The following OPN3 variants were observed in gnomAD, a reference collection of about 807,000 sequenced individuals.
OPN3 encodes the protein opsin-3.
OPN3 carries 29 observed loss-of-function variants against 33.8 expected under a neutral mutation model. That is an observed-to-expected ratio of 0.86 (90% CI 0.64 to 1.17). OPN3 has a LOEUF of 1.17. Among genes scored for constraint, OPN3 ranks in the 50% most tolerant of loss-of-function variants. OPN3 has a pLI of 0.00. For missense variants in OPN3, 437 were observed against 514.1 expected (o/e 0.85, Z 1.45); for synonymous variants, 216 against 216.1 (o/e 1.00, Z 0.00).
chr1:241,608,615 T>C (rs1320123549), intron 1 of OPN3, among the ~76,000 whole-genome samples: 4 of 152,218 alleles, frequency 2.6e-5, no homozygotes, highest in African/African-American at 9.6e-5. Context: ...AGCTGAAGTA[T>C]GAAAAATCCC....
intron 1 of OPN3, among the ~76,000 whole-genome samples, chr1:241,626,822 T>A (rs1222184259): frequency 6.6e-6 from 1 of 152,210 alleles, no homozygotes. Flanking sequence ...AATAGAGAAC[T>A]CAAGGGCTTT....
chr1:241,616,281 C>A (rs1403689172), intron 1 of OPN3, among the ~76,000 whole-genome samples: 2 of 152,036 alleles, frequency 1.3e-5, no homozygotes, highest in Non-Finnish European at 2.9e-5. Flanking sequence ...CTAAGATAAT[C>A]ATCTTATTAC....
At chr1:241,603,651 G>A (rs1287634323) in intron 2 of OPN3, among the ~76,000 whole-genome samples, 1 of 152,160 alleles carries the variant, frequency 6.6e-6, no homozygotes, top group Non-Finnish European at 1.5e-5. Flanking sequence ...AAAGTTAGAA[G>A]GGTTTGACGG....
intron 1 of OPN3, among the ~76,000 whole-genome samples, chr1:241,611,692 C>T (rs1265201308): frequency 2.0e-5 from 3 of 152,136 alleles, no homozygotes; most frequent in Non-Finnish European, 4.4e-5. Flanking sequence ...CCTAGAAAAC[C>T]CTTAAATGCC....
At chr1:241,630,145 G>A (rs1664572076) in intron 1 of OPN3, 2 of 152,010 alleles carry the variant, frequency 1.3e-5, no homozygotes, top group African/African-American at 4.8e-5. Flanking sequence ...CTCTTCTGTA[G>A]ATGGTGAAAT....
chr1:241,605,070 T>TA (rs1321942629), intron 1 of OPN3, among the ~76,000 whole-genome samples: 3 of 118,622 alleles, frequency 2.5e-5, no homozygotes, highest in Admixed American at 8.3e-5. Flanking sequence ...AAAAAAAAAA[T>TA]AAAATAAAAT....
chr1:241,618,425 C>G (rs1664192527), intron 1 of OPN3, among the ~76,000 whole-genome samples: 1 of 152,252 alleles, frequency 6.6e-6, no homozygotes, highest in Non-Finnish European at 1.5e-5. Flanking sequence ...TCCTGACTTT[C>G]AGAACGATGG....
At chr1:241,604,202 C>A in intron 2 of OPN3, 58 bp downstream of exon 2, 2 of 1,505,590 alleles carry the variant, frequency 1.3e-6, no homozygotes, top group Non-Finnish European at 1.8e-6. Context: ...ATTTTCCAGA[C>A]AAAATTTTCT....
chr1:241,612,421 A>G (rs924256538), intron 1 of OPN3, among the ~76,000 whole-genome samples: 1 of 152,222 alleles, frequency 6.6e-6, no homozygotes, highest in African/African-American at 2.4e-5. Context: ...ACAAAACTCT[A>G]CGAAGATTGC....
chr1:241,634,863 T>A, intron 1 of OPN3: 1 of 1,609,832 alleles, frequency 6.2e-7, no homozygotes, highest in East Asian at 2.2e-5. Flanking sequence ...AAACAAAATG[T>A]GAGAAATTTC....
intron 1 of OPN3, among the ~76,000 whole-genome samples, chr1:241,627,575 G>C (rs1664456606): frequency 6.6e-6 from 1 of 152,156 alleles, no homozygotes; most frequent in African/African-American, 2.4e-5. Context: ...ACAAGTGCTG[G>C]AGCAGAACTG....
At chr1:241,618,949 A>G (rs886907960) in intron 1 of OPN3, among the ~76,000 whole-genome samples, 21 of 150,654 alleles carry the variant, frequency 1.4e-4, no homozygotes, top group Admixed American at 1.3e-3. Flanking sequence ...GATATGCCTC[A>G]AGCCTCCAGT....
intron 2 of OPN3, among the ~76,000 whole-genome samples, chr1:241,598,602 T>C (rs1327015842): frequency 6.6e-6 from 1 of 152,210 alleles, no homozygotes; most frequent in African/African-American, 2.4e-5. Context: ...AGAACAGCAC[T>C]TGGTAAAACA....
rs61509557 is a variant in OPN3, at chr1:241,627,106, G to C, written c.373+12776C>G. On this transcript the variant is annotated intron_variant, in intron 1 of 3. Transcript: ENST00000366554. ...GCCAAGAATCATAGGACATCAGCAG[G>C]GACCAATGAAGGTATTATATATAAA... is the stretch of plus-strand genomic sequence containing the variant. Among the ~76,000 whole-genome samples the C allele has an allele frequency of 2.0e-5, 3 of 151,926 alleles. No homozygotes were observed. In the East Asian group the frequency reaches 5.8e-4, roughly 29 times the overall value.
At chr1:241,618,357 T>A (rs1294063470) in intron 1 of OPN3, among the ~76,000 whole-genome samples, 1 of 152,228 alleles carries the variant, frequency 6.6e-6, no homozygotes, top group African/African-American at 2.4e-5. Context: ...AAATACTTGA[T>A]CCAGTAGGCT....
chr1:241,633,912 C>G, intron 1 of OPN3: 3 of 1,613,890 alleles, frequency 1.9e-6, no homozygotes, highest in Non-Finnish European at 2.5e-6. Flanking sequence ...TCATCACCAT[C>G]AAAGATAATG....
intron 1 of OPN3, among the ~76,000 whole-genome samples, chr1:241,627,925 C>T (rs964334418): frequency 6.6e-6 from 1 of 152,120 alleles, no homozygotes; most frequent in Non-Finnish European, 1.5e-5. Flanking sequence ...CTTTATACTT[C>T]CTCTCCCTAA....
At chr1:241,623,077 TAAAAAAACAAAAAACAAAAAACA>T in intron 1 of OPN3, among the ~76,000 whole-genome samples, 1 of 140,270 alleles carries the variant, frequency 7.1e-6, no homozygotes, top group South Asian at 2.5e-4. Context: ...CTAGAAATCT[TAAAAAAACAAAAAACAAAAAACA>T]AAAAAAACAA....
intron 1 of OPN3, 106 bp from the exon 2 acceptor site, chr1:241,604,685 C>G: frequency 1.0e-6 from 1 of 986,152 alleles, no homozygotes; most frequent in Non-Finnish European, 1.5e-6. Flanking sequence ...TATCTGAGAT[C>G]GATAGAGTGC....
Sources: gnomAD v4.1 joint callset for allele counts (sites outside exome capture counted in the v4.1 genomes callset) on GRCh38, gnomAD v4.1.1 for gene constraint, MANE v1.5 for transcripts, NCBI Gene and HGNC (gene_info 2026-07-23, HGNC 2026-07-21) for gene names.